TMEM132D: variants seen among roughly 807,000 people sequenced by gnomAD.
TMEM132D encodes mature OL transmembrane protein.
Under a neutral mutation model 62.3 loss-of-function variants are expected in TMEM132D, and 21 were observed. The observed-to-expected ratio is 0.34, with a 90% CI of 0.24 to 0.49. The LOEUF (loss-of-function observed/expected upper bound fraction) is 0.49, where lower values mean the gene tolerates loss of function less well. Among genes scored for constraint, TMEM132D ranks in the 20% least tolerant of loss-of-function variants. The probability of loss-of-function intolerance (pLI) is 0.99; values close to 1 mark genes in which losing one functional copy is unlikely to be tolerated. For missense variants in TMEM132D, 1,346 were observed against 1,402.8 expected, an observed-to-expected ratio of 0.96 and a Z score of 0.65; for synonymous variants, 621 against 575.6, an observed-to-expected ratio of 1.08 and a Z score of -1.13.
At chr12:129,272,295 G>A (rs1358376015) in intron 4 of TMEM132D, among the ~76,000 whole-genome samples, 4 of 151,820 alleles carry the variant, frequency 2.6e-5, no homozygotes, top group Non-Finnish European at 5.9e-5. Context: ...TCAGTAAGTT[G>A]TGTGTGCATC....
chr12:129,231,380 G>A (rs1194003903), intron 4 of TMEM132D, among the ~76,000 whole-genome samples: 4 of 152,190 alleles, frequency 2.6e-5, no homozygotes, highest in Non-Finnish European at 2.9e-5. Flanking sequence ...GTGGGTCCCT[G>A]TGCATATCTC....
At chr12:129,864,011 A>G (rs1481943582) in intron 1 of TMEM132D, among the ~76,000 whole-genome samples, 1 of 152,172 alleles carries the variant, frequency 6.6e-6, no homozygotes, top group African/African-American at 2.4e-5. Context: ...AGCACCAGTG[A>G]GGGCTGGACC....
At position 129,081,959 on chromosome 12, in the gene TMEM132D, C is replaced by T. The variant is rs775400147; in HGVS notation, c.1723G>A (p.Ala575Thr). 1.7e-5 allele frequency: 28 copies of T among 1,613,930 alleles called. No homozygotes were observed. Among genetic ancestry groups the T allele is most frequent in the Middle Eastern group, 1.6e-4 (1 of 6,084 alleles). The change falls in exon 7 of 9, where the codon GCC (alanine) becomes ACC (threonine). Residue 575 changes from alanine to threonine, a missense_variant. Physicochemically the swap from Ala to Thr is moderately conservative, Grantham distance 58. Transcript: ENST00000422113. ...GRGCTLQYQH[A>T]MVRVLTQFVA... The stretch of plus-strand genomic sequence containing the variant: ...AACTGCGTCAGGACCCGCACCATGG[C>T]GTGCTGGTACTGCAGGGTGCAGCCG...
chr12:129,252,356 T>G (rs1448885091), intron 4 of TMEM132D, among the ~76,000 whole-genome samples: 1 of 151,992 alleles, frequency 6.6e-6, no homozygotes, highest in East Asian at 1.9e-4. Flanking sequence ...GCAATTTCCT[T>G]GGGTGTTGGA....
intron 2 of TMEM132D, among the ~76,000 whole-genome samples, chr12:129,629,483 T>C (rs1879301509): frequency 6.6e-6 from 1 of 152,162 alleles, no homozygotes; most frequent in Non-Finnish European, 1.5e-5. Context: ...GAAAATATTC[T>C]CCACCCTCCC....
At chr12:129,586,320 CA>C (rs925496564) in intron 2 of TMEM132D, among the ~76,000 whole-genome samples, 1 of 152,160 alleles carries the variant, frequency 6.6e-6, no homozygotes, top group Non-Finnish European at 1.5e-5. Flanking sequence ...GGCCATCTGC[CA>C]CAGATAGAAT....
intron 3 of TMEM132D, among the ~76,000 whole-genome samples, chr12:129,416,281 A>AAT (rs1872118801): frequency 6.6e-6 from 1 of 152,154 alleles, no homozygotes; most frequent in South Asian, 2.1e-4. Context: ...TGTCCCCTGT[A>AAT]AGTTGTATTC....
At chr12:129,810,571 CA>C (rs1334207798) in intron 1 of TMEM132D, among the ~76,000 whole-genome samples, 9 of 17,416 alleles carry the variant, frequency 5.2e-4, no homozygotes, top group Non-Finnish European at 7.7e-4. Context: ...CACACACACA[CA>C]CCCCCCCACA....
intron 1 of TMEM132D, among the ~76,000 whole-genome samples, chr12:129,749,623 A>ATT (rs11404674): frequency 0.041 from 6,106 of 150,020 alleles, 208 homozygotes; most frequent in South Asian, 0.15. Flanking sequence ...TGCCCCACTA[A>ATT]TTTTTTTTTG....
intron 2 of TMEM132D, among the ~76,000 whole-genome samples, chr12:129,683,562 A>T (rs191210926): frequency 3.3e-5 from 5 of 152,182 alleles, no homozygotes; most frequent in African/African-American, 1.2e-4. Flanking sequence ...TTAAACCTGG[A>T]TGTGATGAGG....
chr12:129,165,635 A>C (rs1171663238), intron 5 of TMEM132D, among the ~76,000 whole-genome samples: 1 of 152,136 alleles, frequency 6.6e-6, no homozygotes, highest in African/African-American at 2.4e-5. Context: ...ACCAGTATTA[A>C]AAATAAAAAT....
At chr12:129,136,499 T>A (rs1339989055) in intron 5 of TMEM132D, among the ~76,000 whole-genome samples, 1 of 152,204 alleles carries the variant, frequency 6.6e-6, no homozygotes, top group Non-Finnish European at 1.5e-5. Flanking sequence ...TTGGGAAGAG[T>A]ACCACAGAGG....
At chr12:129,854,339 G>A (rs1873645855) in intron 1 of TMEM132D, among the ~76,000 whole-genome samples, 1 of 152,154 alleles carries the variant, frequency 6.6e-6, no homozygotes, top group South Asian at 2.1e-4. Flanking sequence ...AAAAGGAAAT[G>A]TGACACAGGG....
intron 3 of TMEM132D, among the ~76,000 whole-genome samples, chr12:129,483,483 T>C (rs1672064326): frequency 6.6e-6 from 1 of 152,242 alleles, no homozygotes; most frequent in Admixed American, 6.5e-5. Flanking sequence ...TCTAACCCTG[T>C]GTCTTCTGAA....
intron 4 of TMEM132D, among the ~76,000 whole-genome samples, chr12:129,299,178 A>G (rs1881646845): frequency 1.3e-5 from 2 of 152,176 alleles, no homozygotes; most frequent in South Asian, 4.1e-4. Flanking sequence ...CTCGGGAGAT[A>G]GGTTATTTTG....
intron 5 of TMEM132D, among the ~76,000 whole-genome samples, chr12:129,144,900 CTCTATCTATCTA>C (rs35319395): frequency 9.3e-5 from 14 of 150,974 alleles, no homozygotes; most frequent in Admixed American, 3.3e-4. Flanking sequence ...ATCTATCCTG[CTCTATCTATCTA>C]TCTATCTATC....
At chr12:129,587,470 T>C (rs1451209567) in intron 2 of TMEM132D, among the ~76,000 whole-genome samples, 1 of 152,048 alleles carries the variant, frequency 6.6e-6, no homozygotes, top group Non-Finnish European at 1.5e-5. Context: ...GATGAACTAA[T>C]TCGTACAACA....
chr12:129,707,156 T>A (rs186107022), intron 1 of TMEM132D, among the ~76,000 whole-genome samples: 2,404 of 148,058 alleles, frequency 0.016, 99 homozygotes, highest in East Asian at 0.13. Flanking sequence ...AGGAAAAATA[T>A]ATATATATAT....
At chr12:129,353,712 G>A (rs930368219) in intron 3 of TMEM132D, among the ~76,000 whole-genome samples, 5 of 152,184 alleles carry the variant, frequency 3.3e-5, no homozygotes, top group African/African-American at 9.6e-5. Flanking sequence ...GCCCACTGGT[G>A]TGGTTGCTAT....
Sources: allele counts gnomAD v4.1 joint callset (sites outside exome capture counted in the v4.1 genomes callset), GRCh38; gene constraint gnomAD v4.1.1; transcripts MANE v1.5; gene names NCBI Gene and HGNC (gene_info 2026-07-23, HGNC 2026-07-21).